The following LDLRAD3 variants were observed in gnomAD, a reference collection of about 807,000 sequenced individuals.
LDLRAD3 encodes low-density lipoprotein receptor class A domain-containing protein 3.
In LDLRAD3, 20 loss-of-function variants were observed where a neutral mutation model predicts 29.4. The observed-to-expected ratio is 0.68, with a 90% CI of 0.48 to 0.99. The LOEUF (loss-of-function observed/expected upper bound fraction) is 0.99. LDLRAD3 is among the 50% of genes least tolerant of loss of function. LDLRAD3 has a pLI of 0.00. For missense variants in LDLRAD3, 420 were observed against 454.3 expected (o/e 0.92, Z 0.69); for synonymous variants, 157 against 192.7 (o/e 0.81, Z 1.53).
chr11:36,137,153 C>T (rs1854016474), intron 4 of LDLRAD3, among the ~76,000 whole-genome samples: 1 of 152,232 alleles, frequency 6.6e-6, no homozygotes, highest in African/African-American at 2.4e-5. Context: ...CGCAGCCATG[C>T]TAAGCCTCAT....
chr11:35,960,873 C>T (rs1052354559), intron 1 of LDLRAD3, among the ~76,000 whole-genome samples: 4 of 152,348 alleles, frequency 2.6e-5, no homozygotes, highest in South Asian at 2.1e-4. Flanking sequence ...GGATTACAGG[C>T]GTGAGCCACC....
At position 36,128,894 on chromosome 11, in the gene LDLRAD3, C is replaced by T. The variant is rs553823697; in HGVS notation, c.454+30433C>T. Among the ~76,000 whole-genome samples the T allele has an allele frequency of 1.5e-4, 23 of 151,498 alleles. No homozygotes were observed. In the South Asian group the frequency reaches 3.6e-3, roughly 23 times the overall value. On this transcript the variant is annotated intron_variant, in intron 4 of 5. Coordinates refer to ENST00000315571, the MANE Select transcript of LDLRAD3 (RefSeq NM_174902.4). ...GAGAAAAGAAAAATCACCCTAGCAT[C>T]GGTGGAACAGTGATGGGCAGAGGCC...
chr11:36,017,637 G>T (rs262423), intron 1 of LDLRAD3, among the ~76,000 whole-genome samples: 134,172 of 151,464 alleles, frequency 0.89, 61,014 homozygotes, highest in Non-Finnish European at 0.98. Context: ...CAAGCAATTC[G>T]AGTGCCTCAG....
intron 4 of LDLRAD3, among the ~76,000 whole-genome samples, chr11:36,105,504 A>G (rs898939331): frequency 1.3e-5 from 2 of 152,146 alleles, no homozygotes; most frequent in Non-Finnish European, 2.9e-5. Flanking sequence ...AAATAGGGTC[A>G]TTGCAGATGT....
chr11:36,021,990 C>A (rs1172513149), intron 1 of LDLRAD3, among the ~76,000 whole-genome samples: 1 of 152,160 alleles, frequency 6.6e-6, no homozygotes, highest in Admixed American at 6.5e-5. Context: ...CAGCGTTCAC[C>A]AGGCCTTTGA....
In LDLRAD3 at chr11:35,944,173, CCGCGGGG is replaced by C. The variant is rs541155009; in HGVS notation, c.46+54_46+60del. 5.0e-3 allele frequency: 4,932 copies of C among 990,848 alleles called. 85 individuals carry two copies. In the South Asian group the frequency reaches 0.065, roughly 13 times the overall value. 61.4% of individuals were successfully genotyped at this position (990,848 alleles called of 1,614,324 possible). A position where few individuals can be genotyped will look rare whatever the true frequency, so the allele number is the denominator to read the frequency against. Reference sequence around the variant, plus strand: ...AGTCGGGGGGCGGCCGGCGAACTTCCCGCGGGGCGCGGGGCGCGGGGCGCGGGGCGCA... The same window carrying C: ...AGTCGGGGGGCGGCCGGCGAACTTCCCGCGGGGCGCGGGGCGCGGGGCGCA... On this transcript the variant is annotated intron_variant, in intron 1 of 5. Coordinates refer to ENST00000315571, the MANE Select transcript of LDLRAD3 (RefSeq NM_174902.4). This position sits in a 1 kb window ranked among gnomAD's most constrained non-coding sequence, Gnocchi z 4.9.
intron 4 of LDLRAD3, among the ~76,000 whole-genome samples, chr11:36,165,968 CCCTCCCTCCCTT>C: frequency 1.8e-5 from 2 of 113,412 alleles, no homozygotes; most frequent in African/African-American, 4.1e-5. Context: ...CTCCCTCCCT[CCCTCCCTCCCTT>C]CCTTCCTTCC....
intron 1 of LDLRAD3, among the ~76,000 whole-genome samples, chr11:36,025,933 C>T (rs979437786): frequency 6.6e-6 from 1 of 151,568 alleles, no homozygotes; most frequent in Non-Finnish European, 1.5e-5. Context: ...GCATGCACCA[C>T]CAAGCCCAGC....
At chr11:36,106,268 C>T (rs1454936835) in intron 4 of LDLRAD3, among the ~76,000 whole-genome samples, 1 of 152,196 alleles carries the variant, frequency 6.6e-6, no homozygotes, top group Non-Finnish European at 1.5e-5. Context: ...TCTCTCTCTA[C>T]AACAGCCCCA....
intron 4 of LDLRAD3, among the ~76,000 whole-genome samples, chr11:36,129,494 G>A (rs988982634): frequency 2.0e-5 from 3 of 152,176 alleles, no homozygotes; most frequent in African/African-American, 7.2e-5. Context: ...CAGAGGAGGT[G>A]AGCCAGTATC....
At chr11:36,201,658 G>A (rs1243446060) in intron 4 of LDLRAD3, among the ~76,000 whole-genome samples, 2 of 152,180 alleles carry the variant, frequency 1.3e-5, no homozygotes, top group Non-Finnish European at 2.9e-5. Context: ...AACCATTTGG[G>A]AAAGGAACAC....
intron 4 of LDLRAD3, among the ~76,000 whole-genome samples, chr11:36,151,355 G>C (rs554065123): frequency 1.3e-5 from 2 of 152,230 alleles, no homozygotes; most frequent in African/African-American, 4.8e-5. Flanking sequence ...TTCAGGGGGT[G>C]CCATTTACAT....
intron 1 of LDLRAD3, among the ~76,000 whole-genome samples, chr11:36,014,475 T>G (rs1851995342): frequency 6.6e-6 from 1 of 152,226 alleles, no homozygotes; most frequent in Non-Finnish European, 1.5e-5. Context: ...GCATGGTACC[T>G]GCAGTGATGG....
At chr11:36,072,274 T>C (rs940675984) in intron 2 of LDLRAD3, among the ~76,000 whole-genome samples, 7 of 152,198 alleles carry the variant, frequency 4.6e-5, no homozygotes, top group Admixed American at 2.0e-4. Flanking sequence ...TTAGCTGACT[T>C]CATGGCTGTT....
chr11:35,956,179 A>G (rs532937063), intron 1 of LDLRAD3, among the ~76,000 whole-genome samples: 9 of 152,270 alleles, frequency 5.9e-5, no homozygotes, highest in African/African-American at 9.6e-5. Flanking sequence ...TTAAGCTTTC[A>G]TGTTATTTAA....
At chr11:36,180,855 T>C (rs1276124968) in intron 4 of LDLRAD3, among the ~76,000 whole-genome samples, 2 of 151,932 alleles carry the variant, frequency 1.3e-5, no homozygotes, top group African/African-American at 4.8e-5. Context: ...GTAGAGACCA[T>C]TGGAATTGCT....
At chr11:36,046,093 T>C (rs928618470) in intron 2 of LDLRAD3, among the ~76,000 whole-genome samples, 1 of 152,182 alleles carries the variant, frequency 6.6e-6, no homozygotes, top group Non-Finnish European at 1.5e-5. Context: ...GTTAGTTTGC[T>C]GAGAATGATG....
intron 4 of LDLRAD3, among the ~76,000 whole-genome samples, chr11:36,195,166 C>A (rs774796733): frequency 1.3e-5 from 2 of 152,180 alleles, no homozygotes; most frequent in Non-Finnish European, 2.9e-5. Context: ...ATGTTAGCCA[C>A]GGCTGCTATC....
intron 4 of LDLRAD3, among the ~76,000 whole-genome samples, chr11:36,190,604 G>T (rs1854925979): frequency 6.6e-6 from 1 of 152,102 alleles, no homozygotes; most frequent in Admixed American, 6.6e-5. Flanking sequence ...TGAAGACCGG[G>T]TTAGGAGATA....
Sources: allele counts gnomAD v4.1 joint callset (sites outside exome capture counted in the v4.1 genomes callset), GRCh38; gene constraint gnomAD v4.1.1; non-coding constraint Gnocchi (gnomAD v3.1); transcripts MANE v1.5; gene names NCBI Gene and HGNC (gene_info 2026-07-23, HGNC 2026-07-21).